ZNF404: variants seen among roughly 807,000 people sequenced by gnomAD.
ZNF404 encodes the protein zinc finger protein 404.
A neutral mutation model predicts 7.3 loss-of-function variants in ZNF404; 7 were observed. The ratio of observed to expected loss-of-function variants is 0.95; its 90% CI spans 0.54 to 1.79. The LOEUF is 1.79. ZNF404 is among the 40% of genes most tolerant of loss of function. ZNF404 has a pLI of 0.00. For missense variants in ZNF404, 560 were observed against 661.5 expected, an observed-to-expected ratio of 0.85 and a Z score of 1.68; for synonymous variants, 191 against 209.9, an observed-to-expected ratio of 0.91 and a Z score of 0.78.
intron 2 of ZNF404, among the ~76,000 whole-genome samples, chr19:43,875,902 G>A (rs1266718375): frequency 6.6e-6 from 1 of 152,082 alleles, no homozygotes; most frequent in Admixed American, 6.6e-5. Flanking sequence ...AGTGATAATG[G>A]AGATACTACA....
rs1413048722 is a variant in ZNF404, at chr19:43,873,067, G to T, written c.1147C>A (p.His383Asn). ...GTCTTCCCACATTCTTTACATTCAT[G>T]TGGCTTCTCACCAGTATGAATTCTC... is the stretch of plus-strand genomic sequence containing the variant. ...HQRIHTGEKPHECKECGKTFK... is the reference protein window; with the variant it reads ...HQRIHTGEKPNECKECGKTFK... Residue 383 changes from histidine to asparagine, a missense_variant, in exon 3 of 3, where the codon CAT (histidine) becomes AAT (asparagine). By Grantham distance (68) the His-to-Asn change is moderately conservative (BLOSUM62 1). Transcript: ENST00000587539. The T allele has an allele frequency of 6.2e-7, 1 of 1,612,110 alleles. No individual in the cohort carries two copies. Among genetic ancestry groups the T allele is most frequent in the Middle Eastern group, 1.7e-4 (1 of 6,054 alleles).
rs1408607183 is a variant in ZNF404, at chr19:43,873,870, T to C, written c.344A>G (p.His115Arg). The C allele has an allele frequency of 5.0e-6, 8 of 1,613,018 alleles. No individual in the cohort carries two copies. The South Asian group carries it at 7.7e-5, about 16-fold the overall frequency. Residue 115 changes from histidine to arginine, a missense_variant, in exon 3 of 3, where the codon CAT becomes CGT. His to Arg is a conservative substitution (Grantham distance 29). Coordinates refer to ENST00000587539, the MANE Select transcript of ZNF404 (RefSeq NM_001033719.3). ...TCTCTTATGTAGAGGAAGGGATTTA[T>C]GTTTTTTGAATATCATTTGACTAAA... Reference protein sequence around the residue: ...GCFSQMIFKKHKSLPLHKRNN... With the variant: ...GCFSQMIFKKRKSLPLHKRNN...
At chr19:43,879,810 G>A (rs1432345624) in intron 2 of ZNF404, among the ~76,000 whole-genome samples, 200 bp downstream of exon 2, 4 of 152,168 alleles carry the variant, frequency 2.6e-5, no homozygotes, top group African/African-American at 9.7e-5. Context: ...GGCAAGTGAA[G>A]AATAGTGAAG....
chr19:43,872,530 C>A lies in ZNF404; in HGVS notation c.*25G>T, dbSNP rs565545026. ...TAATAGTGACAACAGTAAAAATGTG[C>A]CATGGCTAAAGGCTTTCCCTCTCAT... On this transcript the variant is annotated 3_prime_UTR_variant, in exon 3 of 3. Transcript: ENST00000587539. This position sits in a 1 kb window ranked among gnomAD's most constrained non-coding sequence, Gnocchi z 4.4. 36 of 1,526,308 alleles carry A rather than the reference C, an allele frequency of 2.4e-5. No homozygotes were observed. In the East Asian group the frequency reaches 8.0e-4, roughly 34 times the overall value. The allele number at this position is 1,526,308 out of a possible 1,614,324, so 94.5% of individuals were successfully genotyped here. A position where few individuals can be genotyped will look rare whatever the true frequency, so the allele number is the denominator to read the frequency against.
chr19:43,874,056 C>T lies in ZNF404; in HGVS notation c.158G>A (p.Ser53Asn), dbSNP rs1971835035. The T allele has an allele frequency of 1.9e-6, 3 of 1,568,022 alleles. No homozygotes were observed. Among genetic ancestry groups the T allele is most frequent in the Admixed American group, 2.1e-5 (1 of 48,478 alleles). The stretch of plus-strand genomic sequence containing the variant: ...TCTTTTTTCTGAAGATAACTTGTTG[C>T]TTTCAGTTGTGAAATTAAAGTCTGG... ...VSLDFNFTTESNKLSSEKRNY... is the reference protein window; with the variant it reads ...VSLDFNFTTENNKLSSEKRNY... Residue 53 changes from serine (S) to asparagine (N), a missense_variant, in exon 3 of 3, where the codon AGC becomes AAC. By Grantham distance (46) the Ser-to-Asn change is conservative (BLOSUM62 1). Transcript: ENST00000587539.
intron 1 of ZNF404, among the ~76,000 whole-genome samples, chr19:43,882,477 C>T (rs1178026952): frequency 6.6e-6 from 1 of 152,034 alleles, no homozygotes; most frequent in Non-Finnish European, 1.5e-5. Flanking sequence ...ACAGTACAAT[C>T]CCTAAAGAAA....
chr19:43,873,015 TG>T lies in ZNF404; in HGVS notation c.1198del (p.Gln400AsnfsTer4), dbSNP rs773254341. ...CAAATCAGTATGAATTATCTGATGT[TG>T]AATAAGATATGAATGAAGCTTAAAA... ...KTFKLHSYLI[Q>X]HQIIHTDLKP... On this transcript the variant is annotated frameshift_variant, in exon 3 of 3. Transcript: ENST00000587539. LOFTEE classifies it low-confidence loss of function (END_TRUNC). The T allele has an allele frequency of 6.2e-7, 1 of 1,603,960 alleles. No homozygotes were observed. Among genetic ancestry groups the T allele is most frequent in the South Asian group, 1.1e-5 (1 of 90,164 alleles).
Position 43,873,312 on chromosome 19 carries a change from C to T in ZNF404, c.902G>A (p.Cys301Tyr), listed in dbSNP as rs1227139912. 6.2e-7 allele frequency: 1 copy of T among 1,613,464 alleles called. No individual in the cohort carries two copies. Among genetic ancestry groups the T allele is most frequent in the Middle Eastern group, 1.7e-4 (1 of 6,060 alleles). ...AACAAAGGCCTTTTCACATTGTTCACATTTATATGGTTTCTCACCAGAATG... is the reference window on the plus strand; with the variant it reads ...AACAAAGGCCTTTTCACATTGTTCATATTTATATGGTTTCTCACCAGAATG... ...KIHSGEKPYK[C>Y]EQCEKAFVRS... The change falls in exon 3 of 3, where the codon TGT (cysteine) becomes TAT (tyrosine). Residue 301 changes from cysteine to tyrosine, a missense_variant. Physicochemically the swap from Cys to Tyr is radical, Grantham distance 194. Transcript: ENST00000587539.
Position 43,872,452 on chromosome 19 carries a change from T to G in ZNF404, c.*103A>C. 1 of 900,798 alleles carries G rather than the reference T, an allele frequency of 1.1e-6. No individual in the cohort carries two copies. The highest frequency in any genetic ancestry group is 1.6e-6 in the Non-Finnish European group (1 of 632,126). 55.8% of individuals were successfully genotyped at this position (900,798 alleles called of 1,614,324 possible). On this transcript the variant is annotated 3_prime_UTR_variant, in exon 3 of 3. Transcript: ENST00000587539. This position sits in a 1 kb window ranked among gnomAD's most constrained non-coding sequence, Gnocchi z 4.4. ...AAGCAAATACGATGTGCCAGATGCCTTTCCAAGTATTTATATTCTATATTA... is the reference window on the plus strand; with the variant it reads ...AAGCAAATACGATGTGCCAGATGCCGTTCCAAGTATTTATATTCTATATTA...
intron 2 of ZNF404, among the ~76,000 whole-genome samples, chr19:43,877,852 C>G (rs1392935469): frequency 6.6e-6 from 1 of 151,378 alleles, no homozygotes; most frequent in South Asian, 2.1e-4. Flanking sequence ...TTTGTTCTTG[C>G]GATGGTTTAC....
At position 43,878,906 on chromosome 19, in the gene ZNF404, C is replaced by G. The variant is rs900926677; in HGVS notation, c.136+1104G>C. Among the ~76,000 whole-genome samples the G allele has an allele frequency of 3.9e-5, 6 of 152,144 alleles. No homozygotes were observed. In the South Asian group the frequency reaches 1.2e-3, roughly 31 times the overall value. Reference sequence around the variant, plus strand: ...ATTCTATCAGACTAACAGAGGAAAACATAAATACCCTCTGGTGGAAGATAG... The same window carrying G: ...ATTCTATCAGACTAACAGAGGAAAAGATAAATACCCTCTGGTGGAAGATAG... On this transcript the variant is annotated intron_variant, in intron 2 of 2. Transcript: ENST00000587539.
At chr19:43,877,047 C>T (rs76842846) in intron 2 of ZNF404, among the ~76,000 whole-genome samples, 1 of 152,150 alleles carries the variant, frequency 6.6e-6, no homozygotes, top group Admixed American at 6.5e-5. Context: ...AAAACTGGTA[C>T]ACTGAATAAA....
intron 2 of ZNF404, among the ~76,000 whole-genome samples, chr19:43,878,807 T>C (rs143964368): frequency 1.3e-5 from 2 of 152,254 alleles, no homozygotes; most frequent in Non-Finnish European, 2.9e-5. Context: ...TACAAAGAGG[T>C]AGCTGAGCAT....
chr19:43,881,220 A>C (rs1327036358), intron 1 of ZNF404, among the ~76,000 whole-genome samples: 1 of 152,206 alleles, frequency 6.6e-6, no homozygotes, highest in Non-Finnish European at 1.5e-5. Context: ...ACATTGTACT[A>C]GCGGTTCTAG....
At chr19:43,875,956 T>C (rs1971847899) in intron 2 of ZNF404, among the ~76,000 whole-genome samples, 1 of 152,118 alleles carries the variant, frequency 6.6e-6, no homozygotes, top group African/African-American at 2.4e-5. Context: ...CAAGGCAAAC[T>C]CAAAGATTAA....
In ZNF404 at chr19:43,873,979, AG is replaced by A. The variant is rs2036726419; in HGVS notation, c.234del (p.Phe79SerfsTer4). The A allele has an allele frequency of 1.9e-6, 3 of 1,612,710 alleles. No homozygotes were observed. The highest frequency in any genetic ancestry group is 2.5e-6 in the Non-Finnish European group (3 of 1,179,348). On this transcript the variant is annotated frameshift_variant, in exon 3 of 3. Coordinates refer to ENST00000587539, the MANE Select transcript of ZNF404 (RefSeq NM_001033719.3). LOFTEE classifies it low-confidence loss of function (END_TRUNC). ...YHQETWKRNK[T>X]FNLMRFIFRT... ...CTGAAAATAAACCTCATAAGGTTGA[AG>A]GTTTTATTTCTTTTCCATGTCTCCT...
chr19:43,872,873 G>A lies in ZNF404; in HGVS notation c.1341C>T (p.Thr447=), dbSNP rs1342620451. The change falls in exon 3 of 3, where the codon ACC becomes ACT. Residue 447 remains threonine, a synonymous_variant. Transcript: ENST00000587539. The surrounding 1 kb of genome is among the most constrained non-coding windows in gnomAD (Gnocchi z 4.4). The part of the protein sequence containing the change: ...KPYECKECGK[T]FRLNSQLIYH... Reference sequence around the variant, plus strand: ...AAATTAGTTGAGAATTAAGTCTAAAGGTTTTTCCACATTCCTTACATTCAT... The same window carrying A: ...AAATTAGTTGAGAATTAAGTCTAAAAGTTTTTCCACATTCCTTACATTCAT... 1.9e-6 allele frequency: 3 copies of A among 1,607,558 alleles called. No homozygotes were observed. Among genetic ancestry groups the A allele is most frequent in the Non-Finnish European group, 2.6e-6 (3 of 1,176,470 alleles).
chr19:43,873,534 TGAC>T lies in ZNF404; in HGVS notation c.677_679del (p.Arg226del). ...TTTCTGATGTTCTGTAAGGTGAGAA[TGAC>T]GTCTAAAAGCCTTCCCGCATTGCTT... On this transcript the variant is annotated inframe_deletion, in exon 3 of 3. Transcript: ENST00000587539. 2.5e-6 allele frequency: 4 copies of T among 1,613,526 alleles called. No homozygotes were observed. The highest frequency in any genetic ancestry group is 3.4e-6 in the Non-Finnish European group (4 of 1,179,594).
At chr19:43,879,087 C>T (rs1473103686) in intron 2 of ZNF404, among the ~76,000 whole-genome samples, 1 of 151,624 alleles carries the variant, frequency 6.6e-6, no homozygotes, top group African/African-American at 2.4e-5. Flanking sequence ...AAAAATGAGG[C>T]ATAAAAGAAT....
Sources: allele counts gnomAD v4.1 joint callset (sites outside exome capture counted in the v4.1 genomes callset), GRCh38; gene constraint gnomAD v4.1.1; non-coding constraint Gnocchi (gnomAD v3.1); transcripts MANE v1.5; gene names NCBI Gene and HGNC (gene_info 2026-07-23, HGNC 2026-07-21).